The following FGD3 variants were observed in gnomAD, a reference collection of about 807,000 sequenced individuals.
The protein encoded by FGD3 is FYVE, RhoGEF and PH domain-containing protein 3.
Under a neutral mutation model 71.8 loss-of-function variants are expected in FGD3, and 45 were observed. The ratio of observed to expected loss-of-function variants is 0.63; its 90% CI spans 0.49 to 0.80. The LOEUF (loss-of-function observed/expected upper bound fraction) is 0.80. Among genes scored for constraint, FGD3 ranks in the 30% least tolerant of loss-of-function variants. FGD3 has a pLI of 0.00. For synonymous variants in FGD3, 378 were observed against 392.8 expected, an observed-to-expected ratio of 0.96 and a Z score of 0.44; for missense variants, 844 against 951.5, an observed-to-expected ratio of 0.89 and a Z score of 1.49.
chr9:92,981,526 C>T (rs780980172), intron 3 of FGD3, among the ~76,000 whole-genome samples: 48 of 151,968 alleles, frequency 3.2e-4, no homozygotes, highest in Non-Finnish European at 2.5e-4. Context: ...TTTTGGGCAG[C>T]GTGTTCTGTA....
intron 8 of FGD3, 90 bp downstream of exon 8, chr9:93,011,362 C>G (rs1189252955): frequency 6.7e-7 from 1 of 1,492,280 alleles, no homozygotes; most frequent in Non-Finnish European, 9.3e-7. Context: ...TTGCCGCTAT[C>G]CTTTGGGGGG....
chr9:92,961,084 G>A lies in FGD3; in HGVS notation c.-218+13355G>A, dbSNP rs1859159520. On this transcript the variant is annotated intron_variant, in intron 1 of 17. Transcript: ENST00000375482. ...ATAGGCTCTCTCCATCCTGGCCTCT[G>A]TGGTCCCACACAGGCCCCTCTGGGT... Among the ~76,000 whole-genome samples the A allele has an allele frequency of 2.0e-5, 3 of 152,152 alleles. No homozygotes were observed. The South Asian group carries it at 6.2e-4, about 31-fold the overall frequency.
intron 1 of FGD3, among the ~76,000 whole-genome samples, chr9:92,973,305 G>C (rs1476578582): frequency 6.6e-6 from 1 of 151,806 alleles, no homozygotes; most frequent in African/African-American, 2.4e-5. Flanking sequence ...AGTAGAGATA[G>C]GGTTTCTCCA....
intron 14 of FGD3, among the ~76,000 whole-genome samples, chr9:93,029,469 G>C (rs937327842): frequency 6.6e-6 from 1 of 152,196 alleles, no homozygotes; most frequent in African/African-American, 2.4e-5. Flanking sequence ...ATGGCCACAC[G>C]GCTCCAGTTG....
At chr9:93,018,461 C>A (rs1323199556) in intron 11 of FGD3, among the ~76,000 whole-genome samples, 3 of 152,140 alleles carry the variant, frequency 2.0e-5, no homozygotes, top group Non-Finnish European at 4.4e-5. Context: ...ATCCATCTCC[C>A]TGACCAACTA....
At chr9:93,022,516 G>A in intron 14 of FGD3, 127 bp downstream of exon 14, 1 of 958,970 alleles carries the variant, frequency 1.0e-6, no homozygotes, top group Non-Finnish European at 1.6e-6. Flanking sequence ...AGGGCTGAGG[G>A]GCCAGTCTGC....
chr9:92,976,547 G>T lies in FGD3; in HGVS notation c.291G>T (p.Glu97Asp), dbSNP rs771815209. ...GENFPCEEGL[E>D]AGPSPTVLGA... ...ACTTTCCCTGCGAGGAGGGCTTGGAGGCTGGCCCAAGCCCCACTGTACTGG... is the reference window on the plus strand; with the variant it reads ...ACTTTCCCTGCGAGGAGGGCTTGGATGCTGGCCCAAGCCCCACTGTACTGG... The change falls in exon 3 of 18, where the codon GAG becomes GAT. Residue 97 changes from glutamate (E) to aspartate (D), a missense_variant. Physicochemically the swap from Glu to Asp is conservative, Grantham distance 45. Transcript: ENST00000375482. The T allele has an allele frequency of 1.2e-6, 2 of 1,612,638 alleles. No homozygotes were observed. The highest frequency in any genetic ancestry group is 2.2e-5 in the South Asian group (2 of 90,932).
At chr9:92,956,017 C>T (rs1225150525) in intron 1 of FGD3, among the ~76,000 whole-genome samples, 1 of 152,124 alleles carries the variant, frequency 6.6e-6, no homozygotes, top group Non-Finnish European at 1.5e-5. Context: ...GTTTTCATTT[C>T]CATGTCTGCA....
intron 14 of FGD3, 21 bp from the exon 15 acceptor site, chr9:93,029,853 C>T (rs1325879919): frequency 2.5e-6 from 4 of 1,608,500 alleles, no homozygotes; most frequent in African/African-American, 2.7e-5. Flanking sequence ...AAGCTGATGG[C>T]ATCTATTTGC....
intron 14 of FGD3, among the ~76,000 whole-genome samples, chr9:93,025,923 G>A (rs932438681): frequency 6.6e-6 from 1 of 152,210 alleles, no homozygotes; most frequent in Non-Finnish European, 1.5e-5. Context: ...CGGGGCTCCA[G>A]GGCAGGGCTG....
chr9:92,953,612 A>T (rs1858997550), intron 1 of FGD3, among the ~76,000 whole-genome samples: 1 of 152,192 alleles, frequency 6.6e-6, no homozygotes, highest in Admixed American at 6.5e-5. Context: ...GTTGGGGTGA[A>T]GGGGCTCACA....
chr9:93,003,132 CTT>C lies in FGD3; in HGVS notation c.543+131_543+132del, dbSNP rs376038788. ...GACAAATTTAAGTCTGGTCTACAAACTTTTTTTTTTTTTTGAGACAAAGTCTC... is the reference window on the plus strand; with the variant it reads ...GACAAATTTAAGTCTGGTCTACAAACTTTTTTTTTTTTGAGACAAAGTCTC... On this transcript the variant is annotated intron_variant, in intron 4 of 17. Transcript: ENST00000375482. This position sits in a 1 kb window ranked among gnomAD's most constrained non-coding sequence, Gnocchi z 4.1. The C allele has an allele frequency of 8.3e-3, 5,988 of 724,612 alleles. No homozygotes were observed. The highest frequency in any genetic ancestry group is 0.011 in the East Asian group (345 of 30,200). The allele number at this position is 724,612 out of a possible 1,614,324, so 44.9% of individuals were successfully genotyped here.
chr9:92,958,931 T>G (rs1482481748), intron 1 of FGD3, among the ~76,000 whole-genome samples: 1 of 152,216 alleles, frequency 6.6e-6, no homozygotes, highest in Non-Finnish European at 1.5e-5. Context: ...CAATACCACA[T>G]TGTCTTGCTT....
intron 1 of FGD3, among the ~76,000 whole-genome samples, chr9:92,960,369 G>A (rs1425339518): frequency 1.3e-5 from 2 of 151,828 alleles, no homozygotes; most frequent in African/African-American, 4.8e-5. Flanking sequence ...CTATCCCCAC[G>A]TCCTCATGTC....
intron 3 of FGD3, among the ~76,000 whole-genome samples, chr9:92,982,593 T>C (rs1362794217): frequency 6.6e-6 from 1 of 151,262 alleles, no homozygotes; most frequent in Non-Finnish European, 1.5e-5. Context: ...AGACAGAGTC[T>C]TGCTCTGTCA....
chr9:92,976,743 T>C, intron 3 of FGD3, 34 bp downstream of exon 3: 2 of 1,520,118 alleles, frequency 1.3e-6, no homozygotes, highest in South Asian at 2.6e-5. Flanking sequence ...CGCTGCGGGC[T>C]GCAGGCCTTT....
At chr9:92,972,555 C>T (rs1350965029) in intron 1 of FGD3, among the ~76,000 whole-genome samples, 2 of 151,930 alleles carry the variant, frequency 1.3e-5, no homozygotes, top group Non-Finnish European at 2.9e-5. Flanking sequence ...GTGAAGATCT[C>T]TGTGCCTGAA....
chr9:93,032,679 CACCTCCCGCCCACTCT>C (rs869308614), intron 15 of FGD3, 74 bp from the exon 16 acceptor site: 50 of 676,620 alleles, frequency 7.4e-5, no homozygotes, highest in African/African-American at 7.1e-4. Context: ...CCGCCCACTC[CACCTCCCGCCCACTCT>C]ACCTCCTCTG....
chr9:93,011,270 G>C lies in FGD3; in HGVS notation c.1033G>C (p.Val345Leu). 6.2e-7 allele frequency: 1 copy of C among 1,614,180 alleles called. No individual in the cohort carries two copies. The highest frequency in any genetic ancestry group is 8.5e-7 in the Non-Finnish European group (1 of 1,180,006). ...ANHSNAAIRK[V>L]EKMHKLLEVY... Reference sequence around the variant, plus strand: ...CCACTCCAATGCTGCCATTCGGAAAGTGGTGAGTGTGGGGCTCCAGTGGCG... The same window carrying C: ...CCACTCCAATGCTGCCATTCGGAAACTGGTGAGTGTGGGGCTCCAGTGGCG... The change falls in exon 8 of 18, where the codon GTG becomes CTG. Residue 345 changes from valine (V) to leucine (L), a missense_variant and splice_region_variant. Physicochemically the swap from Val to Leu is conservative, Grantham distance 32. Coordinates refer to ENST00000375482, the MANE Select transcript of FGD3 (RefSeq NM_001083536.2).
Sources: allele counts gnomAD v4.1 joint callset (sites outside exome capture counted in the v4.1 genomes callset), GRCh38; gene constraint gnomAD v4.1.1; non-coding constraint Gnocchi (gnomAD v3.1); transcripts MANE v1.5; gene names NCBI Gene and HGNC (gene_info 2026-07-23, HGNC 2026-07-21).